Variants in SUMF1 observed in about 807,000 individuals in gnomAD.
SUMF1 encodes formylglycine-generating enzyme.
SUMF1 carries 48 observed loss-of-function variants against 47.6 expected under a neutral mutation model. The ratio of observed to expected loss-of-function variants is 1.01; its 90% CI spans 0.80 to 1.28. The LOEUF (loss-of-function observed/expected upper bound fraction) is 1.28, where lower values mean the gene tolerates loss of function less well. SUMF1 is among the 50% of genes most tolerant of loss of function. The pLI is 0.00. For missense variants in SUMF1, 571 were observed against 485.4 expected (o/e 1.18, Z -1.66); for synonymous variants, 230 against 192.1 (o/e 1.20, Z -1.63).
At chr3:4,075,552 C>A (rs1256048267) in intron 8 of SUMF1, among the ~76,000 whole-genome samples, 1 of 152,080 alleles carries the variant, frequency 6.6e-6, no homozygotes, top group Non-Finnish European at 1.5e-5. Flanking sequence ...GTCAAATTGT[C>A]TCTGTTTGCA....
rs151309230 is a variant in SUMF1 at position 4,247,649 on chromosome 3, C to G, written c.1014+128681G>C. ...TAATTAAGACATGAGTTAGAGCAAG[C>G]AGCTGACTTCTAGACTAAAACTGGA... On this transcript the variant is annotated intron_variant and NMD_transcript_variant, in intron 8 of 12. Coordinates refer to the SUMF1 transcript ENST00000448413. Among the ~76,000 whole-genome samples, 795 of 152,194 alleles carry G rather than the reference C, an allele frequency of 5.2e-3. 8 individuals carry two copies. The highest frequency in any genetic ancestry group is 0.018 in the African/African-American group (760 of 41,524).
Position 4,128,541 on chromosome 3 carries a change from C to A in SUMF1, c.1015-59796G>T, listed in dbSNP as rs1693712174. Among the ~76,000 whole-genome samples, 3 of 152,070 alleles carry A rather than the reference C, an allele frequency of 2.0e-5. No individual in the cohort carries two copies. In the South Asian group the frequency reaches 6.2e-4, roughly 32 times the overall value. On this transcript the variant is annotated intron_variant and NMD_transcript_variant, in intron 8 of 12. Coordinates refer to the SUMF1 transcript ENST00000448413. ...GGCCTCCCCTGAGGCAGCTGCCAGGCAAGATAATGTACATTCTCCTCAGGA... is the reference window on the plus strand; with the variant it reads ...GGCCTCCCCTGAGGCAGCTGCCAGGAAAGATAATGTACATTCTCCTCAGGA...
At chr3:4,213,069 A>G (rs2125165489) in intron 8 of SUMF1, among the ~76,000 whole-genome samples, 1 of 152,244 alleles carries the variant, frequency 6.6e-6, no homozygotes, top group East Asian at 1.9e-4. Flanking sequence ...GAACACCACA[A>G]AGATACTCCT....
chr3:4,111,514 T>C (rs1157806306), intron 8 of SUMF1, among the ~76,000 whole-genome samples: 1 of 151,962 alleles, frequency 6.6e-6, no homozygotes, highest in Non-Finnish European at 1.5e-5. Flanking sequence ...GGTCAAGAGA[T>C]AGAGAACATC....
In SUMF1 at chr3:4,141,137, T is replaced by C. The variant is rs111581404; in HGVS notation, c.1015-72392A>G. Among the ~76,000 whole-genome samples, 34 of 152,266 alleles carry C rather than the reference T, an allele frequency of 2.2e-4. 2 individuals carry two copies. The highest frequency in any genetic ancestry group is 7.9e-4 in the African/African-American group (33 of 41,544). On this transcript the variant is annotated intron_variant and NMD_transcript_variant, in intron 8 of 12. Coordinates refer to the SUMF1 transcript ENST00000448413. The stretch of plus-strand genomic sequence containing the variant: ...CAAGTCAGTCACAAGCATATTTTCA[T>C]TTTGGTTCACTGTATTTTCTGCCAC...
At chr3:4,167,213 T>C (rs1011141225) in intron 8 of SUMF1, among the ~76,000 whole-genome samples, 2 of 152,008 alleles carry the variant, frequency 1.3e-5, no homozygotes, top group Non-Finnish European at 2.9e-5. Context: ...GCAAGATTTA[T>C]TGTGAAGAGC....
chr3:4,377,283 A>G (rs1237919579), intron 7 of SUMF1, among the ~76,000 whole-genome samples: 2 of 152,176 alleles, frequency 1.3e-5, no homozygotes, highest in Non-Finnish European at 2.9e-5. Context: ...AAACATATAT[A>G]GTCATGTAAC....
At chr3:4,384,987 G>C (rs1700626438) in intron 7 of SUMF1, among the ~76,000 whole-genome samples, 1 of 151,860 alleles carries the variant, frequency 6.6e-6, no homozygotes, top group African/African-American at 2.4e-5. Flanking sequence ...CCAGGTTCAA[G>C]CGATTCTCCT....
chr3:4,062,188 T>C (rs892836491), intron 9 of SUMF1, among the ~76,000 whole-genome samples: 7 of 152,034 alleles, frequency 4.6e-5, no homozygotes, highest in Non-Finnish European at 1.0e-4. Flanking sequence ...GCCTGGGAAA[T>C]GGAAGCTGAC....
chr3:4,173,901 A>T (rs1001549871), intron 8 of SUMF1, among the ~76,000 whole-genome samples: 2 of 152,126 alleles, frequency 1.3e-5, no homozygotes, highest in African/African-American at 4.8e-5. Context: ...TAGGGGAGGG[A>T]TAACATTAGG....
At chr3:4,246,382 G>A (rs190526389) in intron 8 of SUMF1, among the ~76,000 whole-genome samples, 3 of 151,798 alleles carry the variant, frequency 2.0e-5, no homozygotes, top group African/African-American at 4.8e-5. Flanking sequence ...GTTCCTATTC[G>A]GCCATCTTGG....
chr3:4,388,449 A>G (rs1294232259), intron 7 of SUMF1, among the ~76,000 whole-genome samples: 7 of 152,008 alleles, frequency 4.6e-5, no homozygotes, highest in Non-Finnish European at 2.9e-5. Context: ...ACTTGCTTAT[A>G]TATCATAATA....
At chr3:4,178,273 A>T (rs1431422612) in intron 8 of SUMF1, among the ~76,000 whole-genome samples, 4 of 152,222 alleles carry the variant, frequency 2.6e-5, no homozygotes, top group African/African-American at 9.6e-5. Flanking sequence ...CCCGATGAAC[A>T]TTGATGCAAA....
intron 8 of SUMF1, among the ~76,000 whole-genome samples, chr3:4,169,299 G>A (rs62259311): frequency 0.25 from 38,662 of 152,088 alleles, 5,153 homozygotes; most frequent in Middle Eastern, 0.31. Context: ...TGACTTTACA[G>A]AAATAGGAGT....
chr3:4,158,757 T>A (rs146718165), intron 8 of SUMF1, among the ~76,000 whole-genome samples: 4 of 151,604 alleles, frequency 2.6e-5, no homozygotes, highest in Non-Finnish European at 4.4e-5. Flanking sequence ...CTTTTTATAG[T>A]TTTTGTCTTG....
intron 8 of SUMF1, among the ~76,000 whole-genome samples, chr3:4,239,325 C>G (rs552362954): frequency 6.6e-6 from 1 of 152,170 alleles, no homozygotes; most frequent in East Asian, 1.9e-4. Context: ...TCAATGGTGG[C>G]TTGACGGGGA....
intron 8 of SUMF1, among the ~76,000 whole-genome samples, chr3:4,201,911 AT>A (rs1559560462): frequency 6.6e-6 from 1 of 151,902 alleles, no homozygotes; most frequent in Non-Finnish European, 1.5e-5. Context: ...CATTTGAGCA[AT>A]GTCTATTGAG....
downstream of SUMF1, among the ~76,000 whole-genome samples, chr3:4,359,904 A>C (rs1699705116): frequency 6.6e-6 from 1 of 152,158 alleles, no homozygotes; most frequent in South Asian, 2.1e-4. Flanking sequence ...GACTTCCCAA[A>C]GTGCTGGGAT....
At chr3:4,173,728 A>C (rs1037904722) in intron 8 of SUMF1, among the ~76,000 whole-genome samples, 1 of 152,172 alleles carries the variant, frequency 6.6e-6, no homozygotes, top group African/African-American at 2.4e-5. Flanking sequence ...TGTGCTTTAC[A>C]TGGACATGGA....
Sources: gnomAD v4.1 joint callset for allele counts (sites outside exome capture counted in the v4.1 genomes callset) on GRCh38, gnomAD v4.1.1 for gene constraint, MANE v1.5 for transcripts, NCBI Gene and HGNC (gene_info 2026-07-23, HGNC 2026-07-21) for gene names.